The following AKAP19 variants were observed in gnomAD, a reference collection of about 807,000 sequenced individuals.
AKAP19 encodes small A-kinase anchoring protein.
the AKAP19 span, among the ~76,000 whole-genome samples, chr2:190,112,110 G>A: frequency 5.9e-5 from 9 of 152,174 alleles, 1 homozygote; most frequent in African/African-American, 1.7e-4. Context: ...TGTTAGCCAG[G>A]ATCAACATCA....
At chr2:190,050,332 T>A in the AKAP19 span, among the ~76,000 whole-genome samples, 16 of 152,270 alleles carry the variant, frequency 1.1e-4, no homozygotes, top group Admixed American at 4.6e-4. Context: ...AGGCTTTCAG[T>A]TTGTTTACTT....
the AKAP19 span, among the ~76,000 whole-genome samples, chr2:189,910,183 T>C: frequency 6.6e-6 from 1 of 152,124 alleles, no homozygotes; most frequent in Non-Finnish European, 1.5e-5. Context: ...TAAATTACTT[T>C]AGAGCAAACA....
the AKAP19 span, among the ~76,000 whole-genome samples, chr2:190,072,466 A>G: frequency 2.0e-5 from 3 of 152,228 alleles, no homozygotes; most frequent in East Asian, 3.8e-4. Context: ...TTCATGGATC[A>G]AACAGTTGAA....
At chr2:190,066,003 C>T in the AKAP19 span, among the ~76,000 whole-genome samples, 4 of 152,242 alleles carry the variant, frequency 2.6e-5, no homozygotes, top group South Asian at 2.1e-4. Context: ...CAGGACAGTA[C>T]TGCATCATTA....
At chr2:190,032,329 T>C in the AKAP19 span, among the ~76,000 whole-genome samples, 1 of 152,168 alleles carries the variant, frequency 6.6e-6, no homozygotes, top group Non-Finnish European at 1.5e-5. Context: ...CTCAGGGAAT[T>C]GGTAATTTGA....
At chr2:189,992,181 G>A in the AKAP19 span, among the ~76,000 whole-genome samples, 9 of 151,010 alleles carry the variant, frequency 6.0e-5, no homozygotes, top group African/African-American at 9.7e-5. Flanking sequence ...TCAGCCTCCC[G>A]AGTAGATGGG....
At chr2:190,062,613 T>G in the AKAP19 span, 164 of 1,607,468 alleles carry the variant, frequency 1.0e-4, no homozygotes, top group Non-Finnish European at 1.2e-5. Flanking sequence ...AAAATCAATA[T>G]AATCTTTTTT....
chr2:189,900,054 G>T, the AKAP19 span, among the ~76,000 whole-genome samples: 1 of 152,020 alleles, frequency 6.6e-6, no homozygotes. Context: ...AGTAAATATA[G>T]TCATATATTT....
the AKAP19 span, among the ~76,000 whole-genome samples, chr2:190,162,357 G>A: frequency 0.046 from 6,947 of 152,068 alleles, 207 homozygotes; most frequent in Non-Finnish European, 0.069. Flanking sequence ...AGTCTAAGTT[G>A]GGGAAAAACA....
At chr2:190,018,614 T>A in the AKAP19 span, among the ~76,000 whole-genome samples, 6 of 152,364 alleles carry the variant, frequency 3.9e-5, no homozygotes, top group Admixed American at 3.3e-4. Context: ...TTCTGAACTC[T>A]TTATCAGTCA....
At chr2:190,096,341 G>A in the AKAP19 span, among the ~76,000 whole-genome samples, 9 of 152,328 alleles carry the variant, frequency 5.9e-5, no homozygotes, top group Admixed American at 4.6e-4. Flanking sequence ...TGATTATTAT[G>A]TGTATAGCAC....
the AKAP19 span, among the ~76,000 whole-genome samples, chr2:190,193,470 A>G: frequency 3.4e-3 from 525 of 152,182 alleles, 1 homozygote; most frequent in African/African-American, 0.012. Flanking sequence ...AAGAGTTTAG[A>G]TAAGACTGGT....
chr2:190,183,028 C>T, the AKAP19 span, among the ~76,000 whole-genome samples: 1 of 152,284 alleles, frequency 6.6e-6, no homozygotes, highest in South Asian at 2.1e-4. Context: ...ATTCACCAGA[C>T]ATTCAAGTCA....
the AKAP19 span, among the ~76,000 whole-genome samples, chr2:189,957,641 A>G: frequency 1.3e-5 from 2 of 152,198 alleles, no homozygotes; most frequent in East Asian, 1.9e-4. Flanking sequence ...CAGTTTCCCA[A>G]TTTCTATGAT....
At chr2:190,037,367 G>T in the AKAP19 span, among the ~76,000 whole-genome samples, 1 of 152,184 alleles carries the variant, frequency 6.6e-6, no homozygotes, top group Non-Finnish European at 1.5e-5. Context: ...TTATATTAAA[G>T]ATCTAAGTCA....
chr2:190,162,157 T>G, the AKAP19 span, among the ~76,000 whole-genome samples: 2 of 152,110 alleles, frequency 1.3e-5, no homozygotes, highest in Non-Finnish European at 2.9e-5. Flanking sequence ...GACTATCTAG[T>G]AGAGTAGAAG....
chr2:189,931,027 G>GT, the AKAP19 span: 3 of 623,050 alleles, frequency 4.8e-6, no homozygotes, highest in Non-Finnish European at 2.8e-6. Context: ...GGGCCAAGGG[G>GT]TGGGTGTGTG....
At chr2:189,929,259 G>A in the AKAP19 span, among the ~76,000 whole-genome samples, 3 of 152,140 alleles carry the variant, frequency 2.0e-5, no homozygotes, top group Non-Finnish European at 4.4e-5. Context: ...TTACAGTAAT[G>A]AGGGATGCAG....
At chr2:190,124,810 T>A in the AKAP19 span, among the ~76,000 whole-genome samples, 2 of 152,132 alleles carry the variant, frequency 1.3e-5, no homozygotes, top group Admixed American at 6.5e-5. Flanking sequence ...ACATTATACA[T>A]CTGTACAAAA....
Sources: allele counts gnomAD v4.1 joint callset (sites outside exome capture counted in the v4.1 genomes callset), GRCh38; gene constraint gnomAD v4.1.1; transcripts MANE v1.5; gene names NCBI Gene and HGNC (gene_info 2026-07-23, HGNC 2026-07-21).